Variants in TRIM33 observed in about 807,000 individuals in gnomAD.
The protein encoded by TRIM33 is E3 ubiquitin-protein ligase TRIM33.
In TRIM33, 20 loss-of-function variants were observed where a neutral mutation model predicts 125.4. That is an observed-to-expected ratio of 0.16 (90% CI 0.11 to 0.23). The LOEUF (loss-of-function observed/expected upper bound fraction) is 0.23. TRIM33 is among the 10% of genes least tolerant of loss of function. The pLI, the probability that TRIM33 is intolerant of heterozygous loss-of-function variation, is 1.00. For synonymous variants in TRIM33, 564 were observed against 513.9 expected, an observed-to-expected ratio of 1.10 and a Z score of -1.32; for missense variants, 920 against 1,411.4, an observed-to-expected ratio of 0.65 and a Z score of 5.58.
chr1:114,411,527 G>A (rs1010111358), intron 11 of TRIM33, among the ~76,000 whole-genome samples: 1 of 152,136 alleles, frequency 6.6e-6, no homozygotes, highest in Non-Finnish European at 1.5e-5. Flanking sequence ...TGAGGGGGGA[G>A]TACCTAATAT....
rs957712977 is a variant in TRIM33, at chr1:114,394,079, A to C, written c.*3569T>G. On this transcript the variant is annotated 3_prime_UTR_variant, in exon 20 of 20. Transcript: ENST00000358465. ...ACCTTGAAAATCTTGAGTCACCTTC[A>C]GCAGATCATTAACATAGATGGTACA... is the stretch of plus-strand genomic sequence containing the variant. 1.8e-5 allele frequency: 4 copies of C among 227,704 alleles called. No homozygotes were observed. The highest frequency in any genetic ancestry group is 1.1e-4 in the Admixed American group (2 of 17,576). The allele number at this position is 227,704 out of a possible 1,614,324, so 14.1% of individuals were successfully genotyped here.
intron 4 of TRIM33, among the ~76,000 whole-genome samples, chr1:114,441,410 T>C (rs74692839): frequency 0.026 from 3,927 of 152,352 alleles, 87 homozygotes; most frequent in Non-Finnish European, 0.034. Context: ...AAGGTCCTGT[T>C]CTTCCTTTCC....
chr1:114,493,018 T>C (rs1232426908), intron 1 of TRIM33, among the ~76,000 whole-genome samples: 6 of 152,210 alleles, frequency 3.9e-5, no homozygotes. Context: ...CCATTTTACA[T>C]TCCACCAGCA....
At chr1:114,423,878 G>A (rs1647371971) in intron 10 of TRIM33, among the ~76,000 whole-genome samples, 1 of 151,968 alleles carries the variant, frequency 6.6e-6, no homozygotes, top group South Asian at 2.1e-4. Flanking sequence ...AGTGGTTATG[G>A]CTAGGAATCC....
chr1:114,406,858 T>TAAGTATGTTAAG, intron 14 of TRIM33, 83 bp downstream of exon 14: 1 of 1,328,904 alleles, frequency 7.5e-7, no homozygotes, highest in Non-Finnish European at 1.0e-6. Context: ...CTAGACCCAC[T>TAAGTATGTTAAG]ACTTAGTCTT....
intron 1 of TRIM33, among the ~76,000 whole-genome samples, chr1:114,499,384 A>G (rs1427985537): frequency 6.6e-6 from 1 of 152,116 alleles, no homozygotes; most frequent in Non-Finnish European, 1.5e-5. Context: ...GCATAAGCAA[A>G]GAACAGTGAA....
chr1:114,439,037 G>T (rs1392156551), intron 4 of TRIM33, among the ~76,000 whole-genome samples: 1 of 152,144 alleles, frequency 6.6e-6, no homozygotes, highest in African/African-American at 2.4e-5. Flanking sequence ...CACATAAATA[G>T]AACAGGGAGC....
chr1:114,455,847 T>G (rs188650782), intron 4 of TRIM33, among the ~76,000 whole-genome samples: 1 of 152,032 alleles, frequency 6.6e-6, no homozygotes, highest in Non-Finnish European at 1.5e-5. Context: ...CCTGGGACAA[T>G]AGTCTGGCAG....
At chr1:114,481,980 TG>T (rs970893325) in intron 1 of TRIM33, among the ~76,000 whole-genome samples, 1 of 152,192 alleles carries the variant, frequency 6.6e-6, no homozygotes, top group African/African-American at 2.4e-5. Flanking sequence ...CGGCTGGTCT[TG>T]AACTCCTGAC....
intron 1 of TRIM33, chr1:114,468,546 C>A: frequency 2.5e-6 from 1 of 394,750 alleles, no homozygotes; most frequent in Non-Finnish European, 4.9e-6. Flanking sequence ...CTTCTTTAAT[C>A]AAAAGAAAAG....
intron 1 of TRIM33, among the ~76,000 whole-genome samples, chr1:114,509,350 G>T (rs773895583): frequency 6.6e-6 from 1 of 152,148 alleles, no homozygotes; most frequent in Non-Finnish European, 1.5e-5. Context: ...GTGAATGCTG[G>T]GAGGTTATTT....
chr1:114,464,879 G>C (rs189134103), intron 1 of TRIM33, among the ~76,000 whole-genome samples: 1 of 152,210 alleles, frequency 6.6e-6, no homozygotes, highest in African/African-American at 2.4e-5. Flanking sequence ...GAAGGAAGAA[G>C]CCGGAGAAAA....
At chr1:114,416,006 C>G (rs1421677275) in intron 11 of TRIM33, among the ~76,000 whole-genome samples, 1 of 151,412 alleles carries the variant, frequency 6.6e-6, no homozygotes, top group African/African-American at 2.4e-5. Flanking sequence ...AACTGTCTCC[C>G]TATTATATAA....
At position 114,394,117 on chromosome 1, in the gene TRIM33, T is replaced by TCC. The variant is rs1363961246; in HGVS notation, c.*3530_*3531insGG. ...CATAGATGGTACAGAAATTAAGAAT[T>TCC]CATGGTATGAATTAAGAATCTGTTT... On this transcript the variant is annotated 3_prime_UTR_variant, in exon 20 of 20. Coordinates refer to ENST00000358465, the MANE Select transcript of TRIM33 (RefSeq NM_015906.4). 2 of 228,906 alleles carry TCC rather than the reference T, an allele frequency of 8.7e-6. No homozygotes were observed. Among genetic ancestry groups the TCC allele is most frequent in the East Asian group, 1.2e-4 (2 of 16,052 alleles). 14.2% of individuals were successfully genotyped at this position (228,906 alleles called of 1,614,324 possible).
intron 1 of TRIM33, among the ~76,000 whole-genome samples, chr1:114,483,513 G>C (rs1651482050): frequency 6.6e-6 from 1 of 151,698 alleles, no homozygotes; most frequent in Non-Finnish European, 1.5e-5. Flanking sequence ...CTGGGTTCAA[G>C]TGATTCTCCT....
chr1:114,430,580 T>C (rs1195192819), intron 6 of TRIM33, among the ~76,000 whole-genome samples: 2 of 152,190 alleles, frequency 1.3e-5, no homozygotes, highest in African/African-American at 4.8e-5. Flanking sequence ...GACATCACTA[T>C]TTCCTAAGGT....
intron 1 of TRIM33, among the ~76,000 whole-genome samples, chr1:114,476,855 AC>A (rs1488671307): frequency 6.6e-6 from 1 of 152,174 alleles, no homozygotes; most frequent in East Asian, 1.9e-4. Flanking sequence ...TAAAAAAAAT[AC>A]AAAATCCAGA....
At chr1:114,463,287 T>C (rs1650098974) in intron 3 of TRIM33, 51 bp from the exon 4 acceptor site, 3 of 1,564,204 alleles carry the variant, frequency 1.9e-6, no homozygotes, top group African/African-American at 1.4e-5. Context: ...AATTTTTGTC[T>C]AGTTTTCTAA....
intron 5 of TRIM33, among the ~76,000 whole-genome samples, chr1:114,433,190 T>G (rs1037477455): frequency 6.6e-6 from 1 of 152,230 alleles, no homozygotes; most frequent in East Asian, 1.9e-4. Context: ...CCAGAAACTA[T>G]ATCATGTATT....
Sources: allele counts gnomAD v4.1 joint callset (sites outside exome capture counted in the v4.1 genomes callset), GRCh38; gene constraint gnomAD v4.1.1; transcripts MANE v1.5; gene names NCBI Gene and HGNC (gene_info 2026-07-23, HGNC 2026-07-21).